The following ONECUT2 variants were observed in gnomAD, a reference collection of about 807,000 sequenced individuals.
ONECUT2 encodes the protein one cut domain family member 2.
A neutral mutation model predicts 27.9 loss-of-function variants in ONECUT2; 10 were observed. The observed-to-expected ratio is 0.36, with a 90% CI of 0.22 to 0.61. The LOEUF is 0.61. Among genes scored for constraint, ONECUT2 ranks in the 20% least tolerant of loss-of-function variants. The pLI is 0.73. For missense variants in ONECUT2, 686 were observed against 721.0 expected (o/e 0.95, Z 0.56); for synonymous variants, 334 against 315.1 (o/e 1.06, Z -0.64).
rs922159897 is a variant in ONECUT2 at position 57,482,320 on chromosome 18, T to C, written c.*5597T>C. 1.3e-5 allele frequency: 2 copies of C among 152,202 alleles called. No homozygotes were observed. Among genetic ancestry groups the C allele is most frequent in the African/African-American group, 4.8e-5 (2 of 41,450 alleles). The allele number at this position is 152,202 out of a possible 1,614,324, so 9.4% of individuals were successfully genotyped here. On this transcript the variant is annotated 3_prime_UTR_variant, in exon 2 of 2. Coordinates refer to ENST00000491143, the MANE Select transcript of ONECUT2 (RefSeq NM_004852.3). ...AAATACAGAAGTAGTTATTAAAATA[T>C]ATAGGACCTCACATAGGTAGATACA...
At chr18:57,444,173 A>C (rs1247889589) in intron 1 of ONECUT2, among the ~76,000 whole-genome samples, 2 of 152,212 alleles carry the variant, frequency 1.3e-5, no homozygotes, top group African/African-American at 2.4e-5. Flanking sequence ...AGGGCAGAAG[A>C]AGCATTCCTA....
chr18:57,440,638 G>A (rs1230172488), intron 1 of ONECUT2, among the ~76,000 whole-genome samples: 1 of 152,244 alleles, frequency 6.6e-6, no homozygotes, highest in Non-Finnish European at 1.5e-5. Context: ...GATGCCCGCA[G>A]CGGCGGGACA....
Position 57,471,336 on chromosome 18 carries a change from G to A in ONECUT2, c.1229-5101G>A, listed in dbSNP as rs1022079764. Among the ~76,000 whole-genome samples the A allele has an allele frequency of 5.3e-5, 8 of 152,212 alleles. No homozygotes were observed. In the East Asian group the frequency reaches 1.3e-3, roughly 26 times the overall value. Reference sequence around the variant, plus strand: ...GAGGCAAAGTAGACCTGGCCCACATGGAGTTGGGTTGGGATGGGGAAGGCA... The same window carrying A: ...GAGGCAAAGTAGACCTGGCCCACATAGAGTTGGGTTGGGATGGGGAAGGCA... On this transcript the variant is annotated intron_variant, in intron 1 of 1. Coordinates refer to ENST00000491143, the MANE Select transcript of ONECUT2 (RefSeq NM_004852.3).
intron 1 of ONECUT2, among the ~76,000 whole-genome samples, chr18:57,475,126 G>A (rs1374161902): frequency 1.4e-4 from 20 of 142,540 alleles, no homozygotes; most frequent in Admixed American, 3.8e-4. Flanking sequence ...GCATGATCTC[G>A]ACTCACTGCA....
chr18:57,444,338 C>A (rs1191838036), intron 1 of ONECUT2: 1 of 456,560 alleles, frequency 2.2e-6, no homozygotes, highest in South Asian at 1.5e-5. Flanking sequence ...CATTGACATC[C>A]TTGAAGGAAC....
chr18:57,435,887 T>C lies in ONECUT2; in HGVS notation c.171T>C (p.His57=). 1 of 1,092,078 alleles carries C rather than the reference T, an allele frequency of 9.2e-7. No individual in the cohort carries two copies. Among genetic ancestry groups the C allele is most frequent in the South Asian group, 4.3e-5 (1 of 23,114 alleles). 67.6% of individuals were successfully genotyped at this position (1,092,078 alleles called of 1,614,324 possible). The change falls in exon 1 of 2, where the codon CAT becomes CAC. Residue 57 remains histidine (H), a synonymous_variant. Coordinates refer to ENST00000491143, the MANE Select transcript of ONECUT2 (RefSeq NM_004852.3). ...GGGGGGGGPG[H]EQELLASPSP... The stretch of plus-strand genomic sequence containing the variant: ...GGGGCGGCGGCGGGGGCCCGGGCCA[T>C]GAGCAGGAGCTGCTGGCCAGCCCCA...
chr18:57,467,328 C>A, intron 1 of ONECUT2: 1 of 365,982 alleles, frequency 2.7e-6, no homozygotes, highest in South Asian at 1.9e-5. Context: ...TGCCATTGAT[C>A]ATCCACATTT....
intron 1 of ONECUT2, among the ~76,000 whole-genome samples, chr18:57,441,298 G>T (rs2050172811): frequency 6.6e-6 from 1 of 152,252 alleles, no homozygotes; most frequent in African/African-American, 2.4e-5. Flanking sequence ...TCTGGAACTT[G>T]ATCCGGCGCG....
intron 1 of ONECUT2, among the ~76,000 whole-genome samples, 183 bp from the exon 2 acceptor site, chr18:57,476,254 C>T (rs964213143): frequency 1.3e-5 from 2 of 152,252 alleles, no homozygotes; most frequent in Non-Finnish European, 2.9e-5. Flanking sequence ...CCATCCCCCA[C>T]TCACTCACTG....
rs765722119 is a variant in ONECUT2 at position 57,472,702 on chromosome 18, G to GTA, written c.1229-3722_1229-3721dup. 2.2e-3 allele frequency among the ~76,000 whole-genome samples: 327 copies of GTA among 151,076 alleles called. 2 individuals are homozygous for GTA. Among genetic ancestry groups the GTA allele is most frequent in the Middle Eastern group, 0.021 (6 of 288 alleles). On this transcript the variant is annotated intron_variant, in intron 1 of 1. Transcript: ENST00000491143. ...ATATTTTTATCTTAAATATGTGTGT[G>GTA]TATATATATATATAATTTTAAATAT...
chr18:57,450,631 T>C (rs1190239146), intron 1 of ONECUT2, among the ~76,000 whole-genome samples: 1 of 152,256 alleles, frequency 6.6e-6, no homozygotes, highest in Non-Finnish European at 1.5e-5. Context: ...AAGGTTGTTC[T>C]GCTTCATACA....
At chr18:57,438,238 C>T (rs917380462) in intron 1 of ONECUT2, among the ~76,000 whole-genome samples, 8 of 152,250 alleles carry the variant, frequency 5.3e-5, no homozygotes, top group African/African-American at 1.9e-4. Context: ...GGCAAAATGT[C>T]CAGGTCCCCC....
chr18:57,464,227 T>A (rs183239659), intron 1 of ONECUT2, among the ~76,000 whole-genome samples: 1 of 152,284 alleles, frequency 6.6e-6, no homozygotes, highest in Admixed American at 6.5e-5. Context: ...CGTAGAATTC[T>A]GCCTGTCAAA....
At position 57,487,250 on chromosome 18, in the gene ONECUT2, A is replaced by G. The variant is rs2050442903; in HGVS notation, c.*10527A>G. ...GTTATTCCTAATTTTTGAGTTAGCCAATTTGCATTCCACAAATTGGGATCC... is the reference window on the plus strand; with the variant it reads ...GTTATTCCTAATTTTTGAGTTAGCCGATTTGCATTCCACAAATTGGGATCC... On this transcript the variant is annotated 3_prime_UTR_variant, in exon 2 of 2. Coordinates refer to ENST00000491143, the MANE Select transcript of ONECUT2 (RefSeq NM_004852.3). 6.6e-6 allele frequency: 1 copy of G among 152,454 alleles called. No homozygotes were observed. The highest frequency in any genetic ancestry group is 2.4e-5 in the African/African-American group (1 of 41,460). 9.4% of individuals were successfully genotyped at this position (152,454 alleles called of 1,614,324 possible). A position where few individuals can be genotyped will look rare whatever the true frequency, so the allele number is the denominator to read the frequency against.
Position 57,491,109 on chromosome 18 carries a change from G to C in ONECUT2, c.*14386G>C, listed in dbSNP as rs965771783. The C allele has an allele frequency of 3.9e-5, 6 of 152,624 alleles. No individual in the cohort carries two copies. Among genetic ancestry groups the C allele is most frequent in the African/African-American group, 1.4e-4 (6 of 41,454 alleles). The allele number at this position is 152,624 out of a possible 1,614,324, so 9.5% of individuals were successfully genotyped here. A position where few individuals can be genotyped will look rare whatever the true frequency, so the allele number is the denominator to read the frequency against. On this transcript the variant is annotated 3_prime_UTR_variant, in exon 2 of 2. Transcript: ENST00000491143. ...ATCATCAAGGGGATGCCCATCCCCT[G>C]ATAAGCTCCCAGTCCTTTTGGAAGA...
At chr18:57,461,912 C>T (rs2050294095) in intron 1 of ONECUT2, among the ~76,000 whole-genome samples, 1 of 152,238 alleles carries the variant, frequency 6.6e-6, no homozygotes, top group Non-Finnish European at 1.5e-5. Context: ...TGTGGCAGCA[C>T]ATGACAGAGT....
At chr18:57,450,307 G>T (rs1598933852) in intron 1 of ONECUT2, among the ~76,000 whole-genome samples, 1 of 152,224 alleles carries the variant, frequency 6.6e-6, no homozygotes, top group East Asian at 1.9e-4. Context: ...CTGAGTAGCT[G>T]GGATTACAGG....
chr18:57,453,176 C>A (rs1362069375), intron 1 of ONECUT2, among the ~76,000 whole-genome samples: 1 of 152,208 alleles, frequency 6.6e-6, no homozygotes, highest in African/African-American at 2.4e-5. Flanking sequence ...CCCTAATGAT[C>A]TGGTGCACAG....
Position 57,486,703 on chromosome 18 carries a change from T to C in ONECUT2, c.*9980T>C, listed in dbSNP as rs1272384280. ...CTTAAAAAGAAAATGTATGTTTTTT[T>C]CCCCCTTTGGATTTTATTTATGCTG... On this transcript the variant is annotated 3_prime_UTR_variant, in exon 2 of 2. Transcript: ENST00000491143. 2.0e-5 allele frequency: 3 copies of C among 152,624 alleles called. No individual in the cohort carries two copies. The highest frequency in any genetic ancestry group is 2.1e-4 in the South Asian group (1 of 4,826). The allele number at this position is 152,624 out of a possible 1,614,324, so 9.5% of individuals were successfully genotyped here. A position where few individuals can be genotyped will look rare whatever the true frequency, so the allele number is the denominator to read the frequency against.
Sources: allele counts gnomAD v4.1 joint callset (sites outside exome capture counted in the v4.1 genomes callset), GRCh38; gene constraint gnomAD v4.1.1; transcripts MANE v1.5; gene names NCBI Gene and HGNC (gene_info 2026-07-23, HGNC 2026-07-21).